The following PDCD10 variants were observed in gnomAD, a reference collection of about 807,000 sequenced individuals.
PDCD10 encodes the protein programmed cell death protein 10.
In PDCD10, 4 loss-of-function variants were observed where a neutral mutation model predicts 29.2. That is an observed-to-expected ratio of 0.14 (90% CI 0.07 to 0.31). The LOEUF (loss-of-function observed/expected upper bound fraction) is 0.31, where lower values mean the gene tolerates loss of function less well. Among genes scored for constraint, PDCD10 ranks in the 10% least tolerant of loss-of-function variants. PDCD10 has a pLI of 1.00. For missense variants in PDCD10, 183 were observed against 257.9 expected (o/e 0.71, Z 1.99); for synonymous variants, 70 against 82.2 (o/e 0.85, Z 0.80).
At position 167,704,883 on chromosome 3, in the gene PDCD10, T is replaced by G. The variant is rs746573454; in HGVS notation, c.109A>C (p.Asn37His). The change falls in exon 4 of 9, where the codon AAT becomes CAT. Residue 37 changes from asparagine (N) to histidine (H), a missense_variant. Asn to His is a moderately conservative substitution (Grantham distance 68, BLOSUM62 1). Transcript: ENST00000392750. ...CTCAGTGTCTGGGCTGCAGACAGATTTACTCGTTCTAGCTGCAATAAAAAT... is the reference window on the plus strand; with the variant it reads ...CTCAGTGTCTGGGCTGCAGACAGATGTACTCGTTCTAGCTGCAATAAAAAT... ...YPVFNELERV[N>H]LSAAQTLRAA... 6.2e-7 allele frequency: 1 copy of G among 1,606,214 alleles called. No individual in the cohort carries two copies. The highest frequency in any genetic ancestry group is 8.5e-7 in the Non-Finnish European group (1 of 1,173,348).
intron 4 of PDCD10, among the ~76,000 whole-genome samples, chr3:167,703,286 A>C (rs1301496276): frequency 1.3e-5 from 2 of 152,138 alleles, no homozygotes; most frequent in African/African-American, 4.8e-5. Flanking sequence ...ATAAAAAAAA[A>C]GAAAATGATT....
rs544089820 is a variant in PDCD10 at position 167,720,731 on chromosome 3, A to G, written c.-116-458T>C. Among the ~76,000 whole-genome samples the G allele has an allele frequency of 1.1e-4, 17 of 152,288 alleles. 1 individual carries two copies. The South Asian group carries it at 2.5e-3, about 22-fold the overall frequency. On this transcript the variant is annotated intron_variant, in intron 2 of 8. Coordinates refer to ENST00000392750, the MANE Select transcript of PDCD10 (RefSeq NM_007217.4). ...AAGAAGAAAGAACTAGGGTGTTTTA[A>G]CATTTTTATTAAAACCTTTTTGCTA...
chr3:167,695,303 T>C (rs1720686738), intron 6 of PDCD10, among the ~76,000 whole-genome samples: 1 of 152,264 alleles, frequency 6.6e-6, no homozygotes, highest in Non-Finnish European at 1.5e-5. Flanking sequence ...CTCTAGGATA[T>C]ATCCAGTTTC....
chr3:167,711,916 T>C (rs924467762), intron 3 of PDCD10, among the ~76,000 whole-genome samples: 1 of 151,984 alleles, frequency 6.6e-6, no homozygotes, highest in Admixed American at 6.6e-5. Flanking sequence ...CCAACAAAAA[T>C]ATCCTTCAAA....
In PDCD10 at chr3:167,732,935, G is replaced by C. The variant is rs181610342; in HGVS notation, c.-117+1279C>G. Among the ~76,000 whole-genome samples the C allele has an allele frequency of 5.8e-3, 878 of 152,232 alleles. 4 individuals are homozygous for C. Among genetic ancestry groups the C allele is most frequent in the Non-Finnish European group, 8.4e-3 (570 of 68,006 alleles). On this transcript the variant is annotated intron_variant, in intron 2 of 8. Coordinates refer to ENST00000392750, the MANE Select transcript of PDCD10 (RefSeq NM_007217.4). ...CACATAATTTTCCATTTGTTTAACT[G>C]GGTCTTCCTTGTCTGTGTACTACAT...
chr3:167,723,452 C>A (rs1269519621), intron 2 of PDCD10, among the ~76,000 whole-genome samples: 1 of 152,118 alleles, frequency 6.6e-6, no homozygotes, highest in Non-Finnish European at 1.5e-5. Context: ...GCTGATTATG[C>A]ACATACAGAA....
chr3:167,706,650 T>C lies in PDCD10; in HGVS notation c.97-1755A>G, dbSNP rs1286623358. ...AATCTTATGGGACAACCATCATATA[T>C]GCCATCCATCTACCAATGACTGAAA... On this transcript the variant is annotated intron_variant, in intron 3 of 8. Coordinates refer to ENST00000392750, the MANE Select transcript of PDCD10 (RefSeq NM_007217.4). Among the ~76,000 whole-genome samples the C allele has an allele frequency of 3.9e-5, 6 of 152,368 alleles. No individual in the cohort carries two copies. The East Asian group carries it at 1.2e-3, about 29-fold the overall frequency.
At position 167,716,402 on chromosome 3, in the gene PDCD10, A is replaced by G. The variant is rs916419174; in HGVS notation, c.96+3660T>C. Among the ~76,000 whole-genome samples, 7 of 152,012 alleles carry G rather than the reference A, an allele frequency of 4.6e-5. No individual in the cohort carries two copies. The East Asian group carries it at 7.7e-4, about 17-fold the overall frequency. ...TAAATTATACATTTTAAAATAACTA[A>G]AAGAGTATAACTGGATGGTTTGTTA... On this transcript the variant is annotated intron_variant, in intron 3 of 8. Coordinates refer to ENST00000392750, the MANE Select transcript of PDCD10 (RefSeq NM_007217.4).
At chr3:167,701,396 CTA>C (rs1721414792) in intron 4 of PDCD10, among the ~76,000 whole-genome samples, 1 of 152,072 alleles carries the variant, frequency 6.6e-6, no homozygotes, top group African/African-American at 2.4e-5. Context: ...CAAGGTCTTC[CTA>C]TGTTGCCTAG....
At chr3:167,693,952 A>T (rs1024893565) in intron 6 of PDCD10, among the ~76,000 whole-genome samples, 1 of 152,072 alleles carries the variant, frequency 6.6e-6, no homozygotes, top group Non-Finnish European at 1.5e-5. Context: ...TGAAGTAATT[A>T]AAAATGTTCA....
At chr3:167,718,889 CAG>C (rs1353763504) in intron 3 of PDCD10, among the ~76,000 whole-genome samples, 2 of 151,970 alleles carry the variant, frequency 1.3e-5, no homozygotes, top group African/African-American at 4.8e-5. Flanking sequence ...TTTTATGTGA[CAG>C]AGAAATAAAT....
intron 4 of PDCD10, among the ~76,000 whole-genome samples, chr3:167,698,565 T>A (rs1252019524): frequency 2.0e-5 from 3 of 152,018 alleles, no homozygotes; most frequent in African/African-American, 7.2e-5. Context: ...AAAAACTGTG[T>A]TTTTTAAAAA....
At chr3:167,706,040 G>A (rs1721933689) in intron 3 of PDCD10, among the ~76,000 whole-genome samples, 1 of 152,172 alleles carries the variant, frequency 6.6e-6, no homozygotes, top group Non-Finnish European at 1.5e-5. Flanking sequence ...GTCTGAGTCA[G>A]CTGTGTGCCT....
At chr3:167,713,808 T>G (rs1722754636) in intron 3 of PDCD10, among the ~76,000 whole-genome samples, 1 of 151,844 alleles carries the variant, frequency 6.6e-6, no homozygotes, top group Non-Finnish European at 1.5e-5. Flanking sequence ...CTAGAGGAAA[T>G]GGATAAATTC....
At chr3:167,719,847 A>T (rs532359814) in intron 3 of PDCD10, among the ~76,000 whole-genome samples, 1 of 152,106 alleles carries the variant, frequency 6.6e-6, no homozygotes, top group African/African-American at 2.4e-5. Flanking sequence ...TCTTTTATTA[A>T]ATGTCTCTTT....
intron 2 of PDCD10, among the ~76,000 whole-genome samples, chr3:167,732,798 T>C (rs1289813553): frequency 2.0e-5 from 3 of 152,216 alleles, no homozygotes; most frequent in Admixed American, 1.3e-4. Flanking sequence ...ACCTACATTG[T>C]CATCTAGAAA....
intron 3 of PDCD10, among the ~76,000 whole-genome samples, chr3:167,710,500 T>C (rs1409867536): frequency 6.6e-6 from 1 of 152,046 alleles, no homozygotes; most frequent in East Asian, 1.9e-4. Flanking sequence ...GGGAAGAACT[T>C]TGTCTTGTGC....
intron 6 of PDCD10, among the ~76,000 whole-genome samples, chr3:167,694,997 G>A (rs1255124999): frequency 3.3e-5 from 5 of 152,104 alleles, no homozygotes; most frequent in African/African-American, 1.2e-4. Context: ...ACTTATGTAG[G>A]GATTATGTTT....
At chr3:167,708,500 T>C (rs771661754) in intron 3 of PDCD10, among the ~76,000 whole-genome samples, 1 of 152,234 alleles carries the variant, frequency 6.6e-6, no homozygotes, top group Non-Finnish European at 1.5e-5. Flanking sequence ...GTGAACAGAT[T>C]GTTGATCTTA....
Sources: allele counts gnomAD v4.1 joint callset (sites outside exome capture counted in the v4.1 genomes callset), GRCh38; gene constraint gnomAD v4.1.1; transcripts MANE v1.5; gene names NCBI Gene and HGNC (gene_info 2026-07-23, HGNC 2026-07-21).